The following DTX2 variants were observed in gnomAD, a reference collection of about 807,000 sequenced individuals.
The protein encoded by DTX2 is deltex E3 ubiquitin ligase 2, also known as probable E3 ubiquitin-protein ligase DTX2.
In DTX2, 29 loss-of-function variants were observed where a neutral mutation model predicts 55.3. That is an observed-to-expected ratio of 0.52 (90% CI 0.39 to 0.71). The LOEUF (loss-of-function observed/expected upper bound fraction) is 0.71. DTX2 is among the 30% of genes least tolerant of loss of function. DTX2 has a pLI of 0.00. For missense variants in DTX2, 537 were observed against 822.5 expected (o/e 0.65, Z 4.25); for synonymous variants, 276 against 340.4 (o/e 0.81, Z 2.08).
chr7:76,466,011 G>GT (rs1338678516), intron 2 of DTX2, among the ~76,000 whole-genome samples: 1 of 120,572 alleles, frequency 8.3e-6, no homozygotes, highest in African/African-American at 3.4e-5. Flanking sequence ...AGAATCTGAG[G>GT]TTTTTCTCTT....
At chr7:76,484,051 C>A (rs1211538126) in intron 4 of DTX2, among the ~76,000 whole-genome samples, 12 of 137,306 alleles carry the variant, frequency 8.7e-5, no homozygotes, top group African/African-American at 3.5e-4. Flanking sequence ...CAGAGCGAGA[C>A]CCTGTCTTAA....
chr7:76,467,766 A>G (rs1189813351), intron 2 of DTX2, among the ~76,000 whole-genome samples: 4 of 148,312 alleles, frequency 2.7e-5, no homozygotes, highest in African/African-American at 9.9e-5. Context: ...GTGGGCATTG[A>G]TTGTTAGAAG....
At chr7:76,475,708 A>G (rs1163566532) in intron 2 of DTX2, among the ~76,000 whole-genome samples, 5 of 148,592 alleles carry the variant, frequency 3.4e-5, no homozygotes, top group African/African-American at 1.3e-4. Context: ...AAAGAAAAAA[A>G]ATCCCATAAT....
chr7:76,505,860 G>A lies in DTX2; in HGVS notation c.*259G>A, dbSNP rs1333748350. 1.7e-6 allele frequency: 1 copy of A among 586,194 alleles called. No homozygotes were observed. Among genetic ancestry groups the A allele is most frequent in the Non-Finnish European group, 3.1e-6 (1 of 327,276 alleles). 36.3% of individuals were successfully genotyped at this position (586,194 alleles called of 1,614,324 possible). The stretch of plus-strand genomic sequence containing the variant: ...GCGCAGGGCCCGTCTGTCCTCTGGG[G>A]GCTGCTTCGGGCCCGCGGTGCTCGG... On this transcript the variant is annotated 3_prime_UTR_variant, in exon 11 of 11. Transcript: ENST00000430490. The surrounding 1 kb of genome is among the most constrained non-coding windows in gnomAD (Gnocchi z 4.4).
chr7:76,498,769 G>A lies in DTX2; in HGVS notation c.1150+1292G>A, dbSNP rs1262083834. ...GTCTGGCGTTCTCGCCACCGTGACA[G>A]GATTTGGGTTCGGGCAGTCTGTATG... On this transcript the variant is annotated intron_variant, in intron 6 of 10. Coordinates refer to ENST00000430490, the MANE Select transcript of DTX2 (RefSeq NM_001102594.3). Among the ~76,000 whole-genome samples the A allele has an allele frequency of 6.3e-5, 7 of 111,016 alleles. 2 individuals are homozygous for A. In the East Asian group the frequency reaches 1.4e-3, roughly 22 times the overall value. The allele number at this position is 111,016 out of a possible 152,430, so 72.8% of individuals were successfully genotyped here. A position where few individuals can be genotyped will look rare whatever the true frequency, so the allele number is the denominator to read the frequency against.
intron 5 of DTX2, among the ~76,000 whole-genome samples, chr7:76,495,611 G>A (rs1221763014): frequency 6.8e-6 from 1 of 147,652 alleles, no homozygotes; most frequent in Non-Finnish European, 1.5e-5. Context: ...GGTGGCCCAA[G>A]GATGTCTTCA....
In DTX2 at chr7:76,482,706, A is replaced by G. The variant is rs1479202586; in HGVS notation, c.467A>G (p.Tyr156Cys). 4 of 1,613,644 alleles carry G rather than the reference A, an allele frequency of 2.5e-6. No individual in the cohort carries two copies. Among genetic ancestry groups the G allele is most frequent in the African/African-American group, 1.3e-5 (1 of 74,874 alleles). The change falls in exon 4 of 11, where the codon TAC (tyrosine) becomes TGC (cysteine). Residue 156 changes from tyrosine to cysteine, a missense_variant. Coordinates refer to ENST00000430490, the MANE Select transcript of DTX2 (RefSeq NM_001102594.3). ...CTGGGGTACAACTACACTGTCAACTACACCACCCACACGCAGACCAACAAG... is the reference window on the plus strand; with the variant it reads ...CTGGGGTACAACTACACTGTCAACTGCACCACCCACACGCAGACCAACAAG... ...APLGYNYTVNYTTHTQTNKTS... is the reference protein window; with the variant it reads ...APLGYNYTVNCTTHTQTNKTS...
At chr7:76,503,291 G>C in intron 8 of DTX2, 135 bp from the exon 9 acceptor site, 1 of 973,130 alleles carries the variant, frequency 1.0e-6, no homozygotes, top group Non-Finnish European at 1.5e-6. Flanking sequence ...GCCAGTTTCC[G>C]GGCAGGAGGC....
At chr7:76,495,356 T>A (rs922807721) in intron 5 of DTX2, among the ~76,000 whole-genome samples, 1 of 148,282 alleles carries the variant, frequency 6.7e-6, no homozygotes, top group African/African-American at 2.5e-5. Context: ...AATCAGTGAG[T>A]GGGGGCTTCA....
At chr7:76,472,920 G>T (rs2116254799) in intron 2 of DTX2, among the ~76,000 whole-genome samples, 1 of 152,328 alleles carries the variant, frequency 6.6e-6, no homozygotes, top group East Asian at 1.9e-4. Flanking sequence ...TGAAGTTAGA[G>T]TCTTAATTAT....
intron 2 of DTX2, among the ~76,000 whole-genome samples, chr7:76,465,822 G>T (rs1195156413): frequency 2.2e-5 from 3 of 138,936 alleles, no homozygotes. Flanking sequence ...CTCAGGTGAT[G>T]CACCCACCGA....
intron 5 of DTX2, among the ~76,000 whole-genome samples, chr7:76,495,695 G>A (rs1810857379): frequency 6.6e-6 from 1 of 151,036 alleles, no homozygotes; most frequent in African/African-American, 2.4e-5. Flanking sequence ...TGGAGATGCA[G>A]CTACGGGTGG....
At chr7:76,464,337 G>A (rs1400925765) in intron 2 of DTX2, among the ~76,000 whole-genome samples, 3 of 150,460 alleles carry the variant, frequency 2.0e-5, no homozygotes, top group African/African-American at 7.5e-5. Flanking sequence ...AGAGGAGGCT[G>A]GAAAAGCAGG....
rs556476889 is a variant in DTX2 at position 76,502,244 on chromosome 7, C to G, written c.1231-54C>G. On this transcript the variant is annotated intron_variant, in intron 7 of 10. Transcript: ENST00000430490. Reference sequence around the variant, plus strand: ...AAAGCCTCTTTTTCCAAGACTGGCCCACGTCAGCCCAGCCCACTGTTGGCG... The same window carrying G: ...AAAGCCTCTTTTTCCAAGACTGGCCGACGTCAGCCCAGCCCACTGTTGGCG... 6.5e-6 allele frequency: 10 copies of G among 1,539,074 alleles called. No individual in the cohort carries two copies. In the African/African-American group the frequency reaches 9.5e-5, roughly 15 times the overall value.
intron 2 of DTX2, among the ~76,000 whole-genome samples, chr7:76,466,603 T>C (rs1291518731): frequency 1.3e-5 from 2 of 151,192 alleles, no homozygotes; most frequent in African/African-American, 4.9e-5. Context: ...TTTTTTTTTT[T>C]TCTTTGAGGC....
chr7:76,501,137 G>A (rs1376641843), intron 7 of DTX2: 2 of 377,076 alleles, frequency 5.3e-6, no homozygotes. Flanking sequence ...GAGCCCTGGA[G>A]ATACTGTTGG....
chr7:76,504,701 G>A (rs1812150466), intron 10 of DTX2, among the ~76,000 whole-genome samples: 1 of 152,364 alleles, frequency 6.6e-6, no homozygotes, highest in South Asian at 2.1e-4. Context: ...GAGTCAGAGT[G>A]TGACAGGCAG....
rs113190194 is a variant in DTX2 at position 76,505,081 on chromosome 7, C to T, written c.1642-293C>T. On this transcript the variant is annotated intron_variant, in intron 10 of 10. Transcript: ENST00000430490. The surrounding 1 kb of genome is among the most constrained non-coding windows in gnomAD (Gnocchi z 4.4). ...GGGTGGGCGGGCGCTCGTCCAGCAA[C>T]GGCTGTGGAAGCAGGGAGGACTCGA... is the stretch of plus-strand genomic sequence containing the variant. Among the ~76,000 whole-genome samples the T allele has an allele frequency of 0.082, 12,369 of 150,700 alleles. 987 individuals carry two copies. Among genetic ancestry groups the T allele is most frequent in the African/African-American group, 0.2 (8,203 of 40,602 alleles).
chr7:76,484,746 T>TTTA (rs1809724334), intron 4 of DTX2, among the ~76,000 whole-genome samples: 1 of 151,936 alleles, frequency 6.6e-6, no homozygotes, highest in African/African-American at 2.4e-5. Context: ...GGACCTCTAG[T>TTTA]ATTTGTTCAG....
Sources: allele counts gnomAD v4.1 joint callset (sites outside exome capture counted in the v4.1 genomes callset), GRCh38; gene constraint gnomAD v4.1.1; non-coding constraint Gnocchi (gnomAD v3.1); transcripts MANE v1.5; gene names NCBI Gene and HGNC (gene_info 2026-07-23, HGNC 2026-07-21).